GALNT13: variants seen among roughly 807,000 people sequenced by gnomAD.
GALNT13 encodes the protein UDP-GalNAc:polypeptide N-acetylgalactosaminyltransferase 13.
In GALNT13, 28 loss-of-function variants were observed where a neutral mutation model predicts 64.2. The observed-to-expected ratio is 0.44, with a 90% CI of 0.32 to 0.60. The LOEUF (loss-of-function observed/expected upper bound fraction) is 0.60, where lower values mean the gene tolerates loss of function less well. GALNT13 is among the 20% of genes least tolerant of loss of function. The probability of loss-of-function intolerance (pLI) is 0.05; values close to 1 mark genes in which losing one functional copy is unlikely to be tolerated. For synonymous variants in GALNT13, 214 were observed against 224.6 expected (o/e 0.95, Z 0.42); for missense variants, 577 against 669.8 (o/e 0.86, Z 1.53).
the GALNT13 span, among the ~76,000 whole-genome samples, chr2:153,345,178 T>A: frequency 7.9e-5 from 12 of 152,230 alleles, no homozygotes; most frequent in African/African-American, 2.9e-4. Flanking sequence ...CACTAGGTAT[T>A]TTTTATGAGC....
chr2:153,216,544 T>C, the GALNT13 span, among the ~76,000 whole-genome samples: 1 of 152,076 alleles, frequency 6.6e-6, no homozygotes, highest in Non-Finnish European at 1.5e-5. Flanking sequence ...GCCTGTAATT[T>C]GCATTTCCCT....
In GALNT13 at chr2:154,351,216, G is replaced by A. The variant is rs548520351; in HGVS notation, c.1157-44775G>A. ...TCAAAGCTTTAATGGCAAGACCATGGAATATCTTTTGGAAATGGTGTCATA... is the reference window on the plus strand; with the variant it reads ...TCAAAGCTTTAATGGCAAGACCATGAAATATCTTTTGGAAATGGTGTCATA... On this transcript the variant is annotated intron_variant, in intron 9 of 12. Coordinates refer to ENST00000392825, the MANE Select transcript of GALNT13 (RefSeq NM_052917.4). 2.0e-5 allele frequency among the ~76,000 whole-genome samples: 3 copies of A among 152,258 alleles called. No homozygotes were observed. The East Asian group carries it at 5.8e-4, about 30-fold the overall frequency.
At chr2:153,082,618 T>TAC in the GALNT13 span, among the ~76,000 whole-genome samples, 61 of 30,200 alleles carry the variant, frequency 2.0e-3, no homozygotes, top group South Asian at 4.8e-3. Flanking sequence ...TATATATATA[T>TAC]ACACACACAC....
chr2:153,399,214 G>A, the GALNT13 span, among the ~76,000 whole-genome samples: 1 of 149,236 alleles, frequency 6.7e-6, no homozygotes, highest in African/African-American at 2.5e-5. Context: ...TCTCAGGTTT[G>A]TCAAAGATCA....
At chr2:153,131,218 TA>T in the GALNT13 span, among the ~76,000 whole-genome samples, 1 of 152,190 alleles carries the variant, frequency 6.6e-6, no homozygotes, top group Non-Finnish European at 1.5e-5. Flanking sequence ...CAAATTATCA[TA>T]AATAACTACA....
intron 9 of GALNT13, among the ~76,000 whole-genome samples, chr2:154,335,377 A>C (rs1366346515): frequency 6.6e-6 from 1 of 152,062 alleles, no homozygotes; most frequent in African/African-American, 2.4e-5. Context: ...CCAAGTATCT[A>C]AAATAATGTC....
In GALNT13 at chr2:154,286,360, AG is replaced by A. The variant is rs1240841130; in HGVS notation, c.976-15048del. Among the ~76,000 whole-genome samples, 3 of 152,256 alleles carry A rather than the reference AG, an allele frequency of 2.0e-5. No homozygotes were observed. In the East Asian group the frequency reaches 5.8e-4, roughly 29 times the overall value. On this transcript the variant is annotated intron_variant, in intron 8 of 12. Transcript: ENST00000392825. ...ATTGGGGTACATTTATTCTATACCT[AG>A]TTTTTTGAGAGTTTTAAACATAAAG...
chr2:153,257,129 G>T, the GALNT13 span, among the ~76,000 whole-genome samples: 1 of 152,238 alleles, frequency 6.6e-6, no homozygotes, highest in African/African-American at 2.4e-5. Flanking sequence ...GACCCTCCGA[G>T]CCAGGTGCCG....
intron 3 of GALNT13, among the ~76,000 whole-genome samples, chr2:154,077,472 A>G (rs1015696430): frequency 6.6e-6 from 1 of 151,552 alleles, no homozygotes; most frequent in Non-Finnish European, 1.5e-5. Context: ...AAATTATTCC[A>G]TATCATTTGT....
intron 4 of GALNT13, among the ~76,000 whole-genome samples, chr2:154,232,336 G>A (rs1688960363): frequency 6.6e-6 from 1 of 152,022 alleles, no homozygotes; most frequent in Non-Finnish European, 1.5e-5. Context: ...CTCTCATAGT[G>A]TCCATAAATT....
intron 3 of GALNT13, among the ~76,000 whole-genome samples, chr2:154,113,819 G>A (rs893067738): frequency 5.3e-5 from 8 of 152,246 alleles, no homozygotes; most frequent in African/African-American, 1.7e-4. Context: ...CAGTAAAGGT[G>A]CATTGCTGGC....
intron 3 of GALNT13, among the ~76,000 whole-genome samples, chr2:154,113,947 G>A (rs1436302529): frequency 3.3e-5 from 5 of 152,154 alleles, no homozygotes; most frequent in African/African-American, 9.7e-5. Flanking sequence ...ATTTGCTCAA[G>A]CAATAAAACC....
chr2:153,131,209 A>C, the GALNT13 span, among the ~76,000 whole-genome samples: 3 of 152,186 alleles, frequency 2.0e-5, no homozygotes, highest in Admixed American at 2.0e-4. Flanking sequence ...AGCTACCTCC[A>C]AATTATCATA....
intron 2 of GALNT13, among the ~76,000 whole-genome samples, chr2:153,912,325 G>T (rs1346476279): frequency 6.6e-6 from 1 of 151,904 alleles, no homozygotes; most frequent in Non-Finnish European, 1.5e-5. Flanking sequence ...ATGATTCTTA[G>T]TTTCCTTAGA....
chr2:154,415,978 A>G (rs1699991216), intron 11 of GALNT13, among the ~76,000 whole-genome samples: 1 of 152,150 alleles, frequency 6.6e-6, no homozygotes, highest in South Asian at 2.1e-4. Flanking sequence ...TCTACCATTC[A>G]TTAAATGTTT....
chr2:153,903,684 C>T (rs370138977), intron 2 of GALNT13, among the ~76,000 whole-genome samples: 13 of 151,826 alleles, frequency 8.6e-5, no homozygotes, highest in African/African-American at 2.4e-4. Flanking sequence ...TTGGTAGCAG[C>T]GAATTTTAAA....
At chr2:154,223,676 A>G (rs1423003182) in intron 4 of GALNT13, among the ~76,000 whole-genome samples, 1 of 151,632 alleles carries the variant, frequency 6.6e-6, no homozygotes, top group Admixed American at 6.6e-5. Flanking sequence ...GTCTCGAATA[A>G]ATTTAGTATT....
At chr2:153,182,697 G>A in the GALNT13 span, among the ~76,000 whole-genome samples, 21 of 152,188 alleles carry the variant, frequency 1.4e-4, no homozygotes, top group African/African-American at 5.1e-4. Context: ...CCACTTATTA[G>A]TGAGAACATG....
chr2:153,581,551 A>T, the GALNT13 span, among the ~76,000 whole-genome samples: 1 of 152,058 alleles, frequency 6.6e-6, no homozygotes, highest in Non-Finnish European at 1.5e-5. Flanking sequence ...GTGTGTATAT[A>T]TGTGTGCAAA....
Sources: gnomAD v4.1 joint callset for allele counts (sites outside exome capture counted in the v4.1 genomes callset) on GRCh38, gnomAD v4.1.1 for gene constraint, MANE v1.5 for transcripts, NCBI Gene and HGNC (gene_info 2026-07-23, HGNC 2026-07-21) for gene names.